The following PSG6 variants were observed in gnomAD, a reference collection of about 807,000 sequenced individuals.
The protein encoded by PSG6 is pregnancy specific beta-1-glycoprotein 6.
A neutral mutation model predicts 43.3 loss-of-function variants in PSG6; 51 were observed. The ratio of observed to expected loss-of-function variants is 1.18; its 90% CI spans 0.94 to 1.49. PSG6 has a LOEUF of 1.49. PSG6 is among the 40% of genes most tolerant of loss of function. The pLI, the probability that PSG6 is intolerant of heterozygous loss-of-function variation, is 0.00. For missense variants in PSG6, 770 were observed against 522.2 expected, an observed-to-expected ratio of 1.47 and a Z score of -4.62; for synonymous variants, 292 against 197.6, an observed-to-expected ratio of 1.48 and a Z score of -4.01.
rs73553512 is a variant in PSG6 at position 42,916,396 on chromosome 19, A to G, written c.156T>C (p.Leu52=). The change falls in exon 2 of 6, where the codon CTT becomes CTC. Residue 52 remains leucine, a synonymous_variant. Coordinates refer to ENST00000187910, the MANE Select transcript of PSG6 (RefSeq NM_001031850.4). The part of the protein sequence containing the change: ...PPKVSEGKDV[L]LLVHNLPQNL... ...TCTGGGGCAAATTGTGGACAAGTAG[A>G]AGAACATCCTTCCCCTCGGAAACTT... 4.8e-3 allele frequency: 7,806 copies of G among 1,612,036 alleles called. 464 individuals carry two copies. In the African/African-American group the frequency reaches 0.089, roughly 18 times the overall value.
At chr19:42,910,324 C>T (rs536227759) in intron 3 of PSG6, 1 of 951,648 alleles carries the variant, frequency 1.1e-6, no homozygotes, top group East Asian at 2.8e-5. Flanking sequence ...TGATCTGGAG[C>T]CTGAGACATT....
intron 5 of PSG6, among the ~76,000 whole-genome samples, chr19:42,906,050 A>G (rs1972106033): frequency 6.6e-6 from 1 of 151,602 alleles, no homozygotes; most frequent in African/African-American, 2.4e-5. Context: ...GTCTAATATT[A>G]GATATATATA....
chr19:42,915,873 C>T, intron 2 of PSG6: 2 of 593,554 alleles, frequency 3.4e-6, no homozygotes, highest in Non-Finnish European at 5.5e-6. Flanking sequence ...GACTGATCTC[C>T]TCCTGCTGAG....
chr19:42,913,425 G>A (rs1463250479), intron 2 of PSG6, among the ~76,000 whole-genome samples: 16 of 151,806 alleles, frequency 1.1e-4, no homozygotes, highest in East Asian at 3.9e-4. Flanking sequence ...GATTATAGGC[G>A]TGAGCCACTG....
At chr19:42,905,059 T>C (rs1186823413) in intron 5 of PSG6, among the ~76,000 whole-genome samples, 3 of 151,642 alleles carry the variant, frequency 2.0e-5, no homozygotes, top group South Asian at 2.1e-4. Flanking sequence ...CCAAATGATA[T>C]TGGGAAAGGT....
intron 2 of PSG6, among the ~76,000 whole-genome samples, chr19:42,913,569 A>G (rs1972267888): frequency 6.6e-6 from 1 of 151,730 alleles, no homozygotes; most frequent in Admixed American, 6.6e-5. Context: ...GTCTCTAGAA[A>G]GTGACCGGAG....
In PSG6 at chr19:42,904,766, T is replaced by C. The variant is rs975689103; in HGVS notation, c.1240+2156A>G. Among the ~76,000 whole-genome samples the C allele has an allele frequency of 1.7e-4, 26 of 151,554 alleles. 1 individual carries two copies. Among genetic ancestry groups the C allele is most frequent in the Non-Finnish European group, 3.8e-4 (26 of 67,894 alleles). ...ATTCCTATCAGAATCTCAGTGACAT[T>C]TTTGCAGAAAAAGAAAAATCTGTCC... On this transcript the variant is annotated intron_variant, in intron 5 of 5. Transcript: ENST00000187910.
rs748009368 is a variant in PSG6 at position 42,916,236 on chromosome 19, G to C, written c.316C>G (p.Leu106Val). ...TCCTGTGTGACATTCTGGATCAGCAGGGATGCATTGGAATATACTGTTTCT... is the reference window on the plus strand; with the variant it reads ...TCCTGTGTGACATTCTGGATCAGCACGGATGCATTGGAATATACTGTTTCT... ...GRETVYSNAS[L>V]LIQNVTQEDA... is the part of the protein sequence containing the mutation. Residue 106 changes from leucine (L) to valine (V), a missense_variant, in exon 2 of 6, where the codon CTG becomes GTG. Physicochemically the swap from Leu to Val is conservative, Grantham distance 32 (BLOSUM62 1). Transcript: ENST00000187910. 2.4e-5 allele frequency: 38 copies of C among 1,612,128 alleles called. 2 individuals carry two copies. The East Asian group carries it at 8.0e-4, about 34-fold the overall frequency.
Position 42,909,865 on chromosome 19 carries a change from G to A in PSG6, c.706+715C>T, listed in dbSNP as rs1339669794. ...GAGAGCAGGTGGCTCTTCCCTGACAGCTAGATAGACTTTACTGGAAAACAT... is the reference window on the plus strand; with the variant it reads ...GAGAGCAGGTGGCTCTTCCCTGACAACTAGATAGACTTTACTGGAAAACAT... On this transcript the variant is annotated intron_variant, in intron 3 of 5. Coordinates refer to ENST00000187910, the MANE Select transcript of PSG6 (RefSeq NM_001031850.4). 1.3e-4 allele frequency: 20 copies of A among 155,702 alleles called. 1 individual carries two copies. The highest frequency in any genetic ancestry group is 2.6e-4 in the Non-Finnish European group (18 of 69,860). The allele number at this position is 155,702 out of a possible 1,614,324, so 9.6% of individuals were successfully genotyped here.
At chr19:42,911,002 G>T in intron 2 of PSG6, 144 bp from the exon 3 acceptor site, 1 of 1,461,668 alleles carries the variant, frequency 6.8e-7, no homozygotes, top group Non-Finnish European at 9.1e-7. Flanking sequence ...TTACAAGACA[G>T]ATGCATGGCA....
At chr19:42,912,115 A>C (rs1249610335) in intron 2 of PSG6, among the ~76,000 whole-genome samples, 1 of 151,614 alleles carries the variant, frequency 6.6e-6, no homozygotes, top group African/African-American at 2.4e-5. Flanking sequence ...CAAATCTGAA[A>C]AATTTAAAAT....
intron 5 of PSG6, among the ~76,000 whole-genome samples, chr19:42,902,933 C>A (rs1210347671): frequency 2.0e-5 from 3 of 151,558 alleles, no homozygotes; most frequent in African/African-American, 7.3e-5. Context: ...AAGGTAGGTA[C>A]TGTTGAGGTG....
At position 42,910,745 on chromosome 19, in the gene PSG6, G is replaced by T. The variant is rs1065508; in HGVS notation, c.541C>A (p.Leu181Met). Residue 181 changes from leucine to methionine, a missense_variant, in exon 3 of 6, where the codon CTG becomes ATG. By Grantham distance (15) the Leu-to-Met change is conservative. Transcript: ENST00000187910. ...ETPDASYLWL[L>M]NGQNLPMTHR... is the part of the protein sequence containing the mutation. ...GTCATAGGGAGGTTCTGACCATTCA[G>T]CAACCACAGGTAGCTTGCATCCGGA... 74 of 1,612,242 alleles carry T rather than the reference G, an allele frequency of 4.6e-5. 3 individuals carry two copies. The highest frequency in any genetic ancestry group is 2.2e-4 in the Admixed American group (13 of 59,872).
At position 42,903,986 on chromosome 19, in the gene PSG6, T is replaced by C. The variant is rs138089559; in HGVS notation, c.1241-1540A>G. On this transcript the variant is annotated intron_variant, in intron 5 of 5. Coordinates refer to ENST00000187910, the MANE Select transcript of PSG6 (RefSeq NM_001031850.4). The stretch of plus-strand genomic sequence containing the variant: ...TGATTATGAAAGTACTATAAATAAT[T>C]GTATGCCAATAAATTGGATAACCTA... 9.2e-5 allele frequency among the ~76,000 whole-genome samples: 14 copies of C among 151,848 alleles called. No individual in the cohort carries two copies. In the East Asian group the frequency reaches 2.7e-3, roughly 29 times the overall value.
intron 4 of PSG6, 71 bp downstream of exon 4, chr19:42,907,505 G>C: frequency 6.3e-7 from 1 of 1,594,898 alleles, no homozygotes; most frequent in Non-Finnish European, 8.5e-7. Context: ...GAGAGAGACT[G>C]AGAGGCCTGG....
chr19:42,904,410 C>T (rs776714227), intron 5 of PSG6, among the ~76,000 whole-genome samples: 7 of 151,576 alleles, frequency 4.6e-5, no homozygotes, highest in Non-Finnish European at 7.4e-5. Flanking sequence ...AAAGATGGAA[C>T]AAACCTATTA....
rs1058781 is a variant in PSG6, at chr19:42,907,028, G to A, written c.1134C>T (p.Leu378=). 1 of 1,612,562 alleles carries A rather than the reference G, an allele frequency of 6.2e-7. No individual in the cohort carries two copies. Among genetic ancestry groups the A allele is most frequent in the Non-Finnish European group, 8.5e-7 (1 of 1,179,172 alleles). ...NGKFQLSGQK[L]FIPQITTNHS... ...GATTTGTAGTAATTTGGGGGATAAA[G>A]AGCTTTTGTCCTGATAGCTGAAACT... Residue 378 remains leucine (L), a synonymous_variant, in exon 5 of 6, where the codon CTC becomes CTT. Transcript: ENST00000187910.
At chr19:42,906,586 G>A in intron 5 of PSG6, 4 of 1,334,424 alleles carry the variant, frequency 3.0e-6, no homozygotes, top group Non-Finnish European at 3.9e-6. Flanking sequence ...AGACATGGCA[G>A]AAGGGGATGT....
At position 42,906,993 on chromosome 19, in the gene PSG6, A is replaced by G. The variant is rs1247980738; in HGVS notation, c.1169T>C (p.Leu390Pro). 3 of 1,612,370 alleles carry G rather than the reference A, an allele frequency of 1.9e-6. No individual in the cohort carries two copies. Among genetic ancestry groups the G allele is most frequent in the African/African-American group, 2.7e-5 (2 of 74,744 alleles). ...TGAGTTACGAACAGAGCAAGCATAG[A>G]GCCCGCTATGATTTGTAGTAATTTG... is the stretch of plus-strand genomic sequence containing the variant. Reference protein sequence around the residue: ...IPQITTNHSGLYACSVRNSAT... With the variant: ...IPQITTNHSGPYACSVRNSAT... Residue 390 changes from leucine to proline, a missense_variant, in exon 5 of 6, where the codon CTC becomes CCC. Physicochemically the swap from Leu to Pro is moderately conservative, Grantham distance 98. Transcript: ENST00000187910.
Sources: allele counts gnomAD v4.1 joint callset (sites outside exome capture counted in the v4.1 genomes callset), GRCh38; gene constraint gnomAD v4.1.1; transcripts MANE v1.5; gene names NCBI Gene and HGNC (gene_info 2026-07-23, HGNC 2026-07-21).